ZNF813: variants seen among roughly 807,000 people sequenced by gnomAD.
The protein encoded by ZNF813 is zinc finger protein 813.
In ZNF813, 3 loss-of-function variants were observed where a neutral mutation model predicts 7.2. The observed-to-expected ratio is 0.42, with a 90% CI of 0.19 to 1.08. The LOEUF (loss-of-function observed/expected upper bound fraction) is 1.08. ZNF813 is among the 50% of genes least tolerant of loss of function. The probability of loss-of-function intolerance (pLI) is 0.30; values close to 1 mark genes in which losing one functional copy is unlikely to be tolerated. For missense variants in ZNF813, 714 were observed against 753.3 expected, an observed-to-expected ratio of 0.95 and a Z score of 0.61; for synonymous variants, 227 against 256.3, an observed-to-expected ratio of 0.89 and a Z score of 1.09.
chr19:53,491,931 G>C lies in ZNF813; in HGVS notation c.1699G>C (p.Ala567Pro), dbSNP rs774959076. Residue 567 changes from alanine (A) to proline (P), a missense_variant, in exon 4 of 4, where the codon GCA becomes CCA. This residue lies in a region of ZNF813 where 122 missense variants were observed against 146.8 expected (regional missense o/e 0.83). Coordinates refer to ENST00000396403, the MANE Select transcript of ZNF813 (RefSeq NM_001004301.4). ...GKVFNQKAHLARHHRLHTGEK... is the reference protein window; with the variant it reads ...GKVFNQKAHLPRHHRLHTGEK... ...GGTTTTTAATCAAAAAGCACACCTTGCACGTCACCATAGACTTCATACTGG... is the reference window on the plus strand; with the variant it reads ...GGTTTTTAATCAAAAAGCACACCTTCCACGTCACCATAGACTTCATACTGG... 21 of 1,610,668 alleles carry C rather than the reference G, an allele frequency of 1.3e-5. No individual in the cohort carries two copies. The highest frequency in any genetic ancestry group is 1.8e-5 in the Non-Finnish European group (21 of 1,178,334).
intron 3 of ZNF813, among the ~76,000 whole-genome samples, chr19:53,487,209 C>G (rs1376722973): frequency 2.6e-5 from 4 of 152,100 alleles, no homozygotes; most frequent in African/African-American, 4.8e-5. Context: ...CCTGTTGATT[C>G]AGCCAGTCTT....
At chr19:53,479,196 A>G (rs967610468) in intron 1 of ZNF813, among the ~76,000 whole-genome samples, 10 of 152,168 alleles carry the variant, frequency 6.6e-5, no homozygotes, top group African/African-American at 9.7e-5. Context: ...CGGCCCCCCA[A>G]AGTGCTGGGA....
At chr19:53,468,028 C>T (rs992571585) in intron 1 of ZNF813, among the ~76,000 whole-genome samples, 7 of 152,248 alleles carry the variant, frequency 4.6e-5, no homozygotes, top group African/African-American at 1.4e-4. Context: ...TTCTATCGCG[C>T]ATTTTTCCTG....
intron 1 of ZNF813, among the ~76,000 whole-genome samples, chr19:53,472,144 G>A (rs1166166714): frequency 1.3e-5 from 2 of 152,114 alleles, no homozygotes; most frequent in East Asian, 3.9e-4. Flanking sequence ...CATGTATGGG[G>A]TAACCTGCAG....
chr19:53,484,996 C>G (rs1315351442), intron 2 of ZNF813, among the ~76,000 whole-genome samples: 1 of 152,236 alleles, frequency 6.6e-6, no homozygotes, highest in Non-Finnish European at 1.5e-5. Flanking sequence ...TTCCCTGTCA[C>G]GTCCTCCACC....
chr19:53,488,711 GC>G (rs1400768313), intron 3 of ZNF813, among the ~76,000 whole-genome samples: 2 of 151,496 alleles, frequency 1.3e-5, no homozygotes, highest in Non-Finnish European at 2.9e-5. Flanking sequence ...GAGCCACCGC[GC>G]CCAGCCGTTA....
At chr19:53,480,021 G>C in intron 1 of ZNF813, 1 of 763,106 alleles carries the variant, frequency 1.3e-6, no homozygotes, top group Non-Finnish European at 2.4e-6. Context: ...AAACTGAAAT[G>C]CACCAAAGAG....
chr19:53,478,849 G>C (rs1282890745), intron 1 of ZNF813, among the ~76,000 whole-genome samples: 1 of 150,924 alleles, frequency 6.6e-6, no homozygotes, highest in Non-Finnish European at 1.5e-5. Context: ...TTGTTCTTAT[G>C]TGTAATAGAT....
At chr19:53,475,571 A>G (rs2086378252) in intron 1 of ZNF813, among the ~76,000 whole-genome samples, 1 of 152,274 alleles carries the variant, frequency 6.6e-6, no homozygotes, top group South Asian at 2.1e-4. Context: ...AGTCATCCTC[A>G]GGTTTGATAA....
chr19:53,494,832 G>A lies in ZNF813; in HGVS notation c.*2746G>A, dbSNP rs2086479842. 6.6e-6 allele frequency: 1 copy of A among 152,138 alleles called. No homozygotes were observed. The highest frequency in any genetic ancestry group is 2.4e-5 in the African/African-American group (1 of 41,404). 9.4% of individuals were successfully genotyped at this position (152,138 alleles called of 1,614,324 possible). A position where few individuals can be genotyped will look rare whatever the true frequency, so the allele number is the denominator to read the frequency against. ...AAGCCCAGGTATTCAAGACAAGCCT[G>A]GGCAACATGGTGAAACCCCCTTGTC... is the stretch of plus-strand genomic sequence containing the variant. On this transcript the variant is annotated 3_prime_UTR_variant, in exon 4 of 4. Coordinates refer to ENST00000396403, the MANE Select transcript of ZNF813 (RefSeq NM_001004301.4).
chr19:53,482,647 G>T (rs866457085), intron 1 of ZNF813, among the ~76,000 whole-genome samples: 1 of 140,598 alleles, frequency 7.1e-6, no homozygotes, highest in African/African-American at 2.6e-5. Context: ...CCCTCTGCCC[G>T]TCAGTCTCTA....
Position 53,491,522 on chromosome 19 carries a change from T to A in ZNF813, c.1290T>A (p.His430Gln). 1 of 1,613,850 alleles carries A rather than the reference T, an allele frequency of 6.2e-7. No individual in the cohort carries two copies. The highest frequency in any genetic ancestry group is 8.5e-7 in the Non-Finnish European group (1 of 1,179,836). The change falls in exon 4 of 4, where the codon CAT (histidine) becomes CAA (glutamine). Residue 430 changes from histidine (H) to glutamine (Q), a missense_variant. By Grantham distance (24) the His-to-Gln change is conservative (BLOSUM62 0). This residue lies in a region of ZNF813 where 563 missense variants were observed against 554.2 expected (regional missense o/e 1.02). Transcript: ENST00000396403. ...AAAAGGCAAACCTTGCACGTCATCA[T>A]AGACTTCATAGTGGAGAGAAACCCT... is the stretch of plus-strand genomic sequence containing the variant. ...FNKKANLARH[H>Q]RLHSGEKPYK...
At chr19:53,483,062 A>C (rs1033203379) in intron 1 of ZNF813, among the ~76,000 whole-genome samples, 3 of 151,932 alleles carry the variant, frequency 2.0e-5, no homozygotes, top group African/African-American at 7.3e-5. Flanking sequence ...ACAGACACCC[A>C]CCAAGCCCAG....
intron 1 of ZNF813, among the ~76,000 whole-genome samples, chr19:53,468,916 C>A (rs2617713): frequency 0.043 from 6,336 of 147,614 alleles, 432 homozygotes; most frequent in African/African-American, 0.15. Flanking sequence ...TACGGGTGTC[C>A]GGCTGGGGGA....
In ZNF813 at chr19:53,496,117, A is replaced by C. The variant is rs1215914784; in HGVS notation, c.*4031A>C. On this transcript the variant is annotated 3_prime_UTR_variant, in exon 4 of 4. Transcript: ENST00000396403. ...GTTACCATATCAAGCTGAAAATGTC[A>C]CCACTATCTGGAGTGTTGGAAATGT... 1 of 243,662 alleles carries C rather than the reference A, an allele frequency of 4.1e-6. No individual in the cohort carries two copies. Among genetic ancestry groups the C allele is most frequent in the Non-Finnish European group, 8.4e-6 (1 of 118,766 alleles). The allele number at this position is 243,662 out of a possible 1,614,324, so 15.1% of individuals were successfully genotyped here. A position where few individuals can be genotyped will look rare whatever the true frequency, so the allele number is the denominator to read the frequency against.
rs1308605287 is a variant in ZNF813 at position 53,495,164 on chromosome 19, A to G, written c.*3078A>G. ...ACTTAGTTTGAGTTGGGACAAGACA[A>G]TGTTGAAGGTGATGCATGGAGTGGC... On this transcript the variant is annotated 3_prime_UTR_variant, in exon 4 of 4. Transcript: ENST00000396403. 1 of 152,238 alleles carries G rather than the reference A, an allele frequency of 6.6e-6. No individual in the cohort carries two copies. The highest frequency in any genetic ancestry group is 1.9e-4 in the East Asian group (1 of 5,194). 9.4% of individuals were successfully genotyped at this position (152,238 alleles called of 1,614,324 possible).
intron 3 of ZNF813, 96 bp from the exon 4 acceptor site, chr19:53,490,279 G>T (rs1206443913): frequency 1.5e-6 from 2 of 1,364,036 alleles, no homozygotes; most frequent in Non-Finnish European, 2.0e-6. Flanking sequence ...TGTTGGGGAA[G>T]TTTAAAATGA....
In ZNF813 at chr19:53,496,065, T is replaced by C. The variant is rs920809405; in HGVS notation, c.*3979T>C. On this transcript the variant is annotated 3_prime_UTR_variant, in exon 4 of 4. Coordinates refer to ENST00000396403, the MANE Select transcript of ZNF813 (RefSeq NM_001004301.4). ...AATTGCACGTGAGATGGCACACATA[T>C]TTATGCTGTGTGAGCATTACAATCG... The C allele has an allele frequency of 6.4e-6, 2 of 311,320 alleles. No homozygotes were observed. The highest frequency in any genetic ancestry group is 6.9e-5 in the Admixed American group (2 of 28,854). 19.3% of individuals were successfully genotyped at this position (311,320 alleles called of 1,614,324 possible).
chr19:53,491,527 T>C lies in ZNF813; in HGVS notation c.1295T>C (p.Leu432Pro). ...KKANLARHHRLHSGEKPYKCT... is the reference protein window; with the variant it reads ...KKANLARHHRPHSGEKPYKCT... The stretch of plus-strand genomic sequence containing the variant: ...GCAAACCTTGCACGTCATCATAGAC[T>C]TCATAGTGGAGAGAAACCCTACAAG... Residue 432 changes from leucine to proline, a missense_variant, in exon 4 of 4, where the codon CTT becomes CCT. Leu to Pro is a moderately conservative substitution (Grantham distance 98, BLOSUM62 -3). This residue lies in a region of ZNF813 where 563 missense variants were observed against 554.2 expected (regional missense o/e 1.02). Coordinates refer to ENST00000396403, the MANE Select transcript of ZNF813 (RefSeq NM_001004301.4). 2 of 1,613,750 alleles carry C rather than the reference T, an allele frequency of 1.2e-6. No homozygotes were observed. The highest frequency in any genetic ancestry group is 1.7e-6 in the Non-Finnish European group (2 of 1,179,788).
Sources: gnomAD v4.1 joint callset for allele counts (sites outside exome capture counted in the v4.1 genomes callset) on GRCh38, gnomAD v4.1.1 for gene constraint, gnomAD v4.1.1 regional missense constraint, MANE v1.5 for transcripts, NCBI Gene and HGNC (gene_info 2026-07-23, HGNC 2026-07-21) for gene names.